Variants in ZNF365 observed in about 807,000 individuals in gnomAD.
The protein encoded by ZNF365 is zinc finger protein 365, also known as protein ZNF365.
Under a neutral mutation model 35.0 loss-of-function variants are expected in ZNF365, and 22 were observed. The observed-to-expected ratio is 0.63, with a 90% CI of 0.45 to 0.90. ZNF365 has a LOEUF of 0.90. Ranked by LOEUF, ZNF365 falls within the 40% of genes least tolerant of loss-of-function variation. The pLI, the probability that ZNF365 is intolerant of heterozygous loss-of-function variation, is 0.00. For missense variants in ZNF365, 448 were observed against 500.3 expected, an observed-to-expected ratio of 0.90 and a Z score of 1.00; for synonymous variants, 188 against 196.2, an observed-to-expected ratio of 0.96 and a Z score of 0.35.
intron 3 of ZNF365, among the ~76,000 whole-genome samples, chr10:62,443,334 A>G (rs74158909): frequency 0.13 from 19,876 of 152,218 alleles, 1,602 homozygotes; most frequent in Middle Eastern, 0.21. Context: ...GAGACCCTCA[A>G]TGTCTGTTGT....
chr10:62,396,047 T>C (rs1839721452), intron 3 of ZNF365, among the ~76,000 whole-genome samples: 1 of 152,158 alleles, frequency 6.6e-6, no homozygotes, highest in African/African-American at 2.4e-5. Flanking sequence ...TCCATCTGCC[T>C]GACGCCAAAG....
intron 2 of ZNF365, among the ~76,000 whole-genome samples, chr10:62,387,126 A>T (rs1337161518): frequency 1.3e-5 from 2 of 152,190 alleles, no homozygotes; most frequent in African/African-American, 4.8e-5. Context: ...GGTGATGACT[A>T]AAAGGATATT....
At chr10:62,423,399 T>G (rs962452085) in intron 3 of ZNF365, among the ~76,000 whole-genome samples, 1 of 152,208 alleles carries the variant, frequency 6.6e-6, no homozygotes, top group Non-Finnish European at 1.5e-5. Flanking sequence ...ACAGGATTAG[T>G]GCTTTTCAGA....
intron 4 of ZNF365, among the ~76,000 whole-genome samples, chr10:62,467,371 A>C (rs1204911747): frequency 6.6e-6 from 1 of 152,204 alleles, no homozygotes; most frequent in Non-Finnish European, 1.5e-5. Context: ...TGAAGATTAG[A>C]TTATTTTATC....
chr10:62,443,752 T>C (rs1840540173), intron 3 of ZNF365, among the ~76,000 whole-genome samples: 1 of 152,170 alleles, frequency 6.6e-6, no homozygotes, highest in African/African-American at 2.4e-5. Context: ...CCCCACATTG[T>C]CCTTTTAGTT....
intron 3 of ZNF365, among the ~76,000 whole-genome samples, chr10:62,421,404 C>T (rs1245361764): frequency 1.3e-5 from 2 of 152,164 alleles, no homozygotes; most frequent in African/African-American, 2.4e-5. Flanking sequence ...TACTTCTCAT[C>T]AGCCTTGAGC....
intron 3 of ZNF365, among the ~76,000 whole-genome samples, chr10:62,447,795 C>A (rs1166663611): frequency 6.6e-6 from 1 of 152,146 alleles, no homozygotes; most frequent in African/African-American, 2.4e-5. Flanking sequence ...TGTGACAATG[C>A]CTTTCAGGTC....
Position 62,438,126 on chromosome 10 carries a change from T to G in ZNF365, c.925-21615T>G, listed in dbSNP as rs1840435761. Among the ~76,000 whole-genome samples the G allele has an allele frequency of 2.0e-5, 3 of 152,172 alleles. No homozygotes were observed. In the South Asian group the frequency reaches 6.2e-4, roughly 32 times the overall value. On this transcript the variant is annotated intron_variant, in intron 3 of 4. Coordinates refer to the ZNF365 transcript ENST00000395255. ...AGTCCACAGATCCTGTGACAAGGAC[T>G]GAAGATACAATGGAGAACAGGAATA...
intron 3 of ZNF365, among the ~76,000 whole-genome samples, chr10:62,448,987 G>C (rs921926635): frequency 1.4e-4 from 22 of 152,166 alleles, no homozygotes; most frequent in African/African-American, 5.1e-4. Flanking sequence ...AGAAACAGAG[G>C]CAGTGTGTTT....
chr10:62,381,014 G>A lies in ZNF365; in HGVS notation c.743+4078G>A, dbSNP rs192724109. Among the ~76,000 whole-genome samples, 67 of 152,272 alleles carry A rather than the reference G, an allele frequency of 4.4e-4. 1 individual carries two copies. In the East Asian group the frequency reaches 0.012, roughly 27 times the overall value. On this transcript the variant is annotated intron_variant, in intron 2 of 4. Coordinates refer to ENST00000395254, the MANE Select transcript of ZNF365 (RefSeq NM_014951.3). ...TGGGGGGGAACATAAAATGCTTGCTGTCTTTCCCTAAGGTGTTTGTGTTCT... is the reference window on the plus strand; with the variant it reads ...TGGGGGGGAACATAAAATGCTTGCTATCTTTCCCTAAGGTGTTTGTGTTCT...
chr10:62,401,740 A>G lies in ZNF365; in HGVS notation c.*1951A>G, dbSNP rs1457783536. ...CTCTTTGTCCTGTAATGTGTGTGCA[A>G]TGACAACTTGTTTCTGTTTTATTTA... is the stretch of plus-strand genomic sequence containing the variant. On this transcript the variant is annotated 3_prime_UTR_variant, in exon 5 of 5. Coordinates refer to ENST00000395254, the MANE Select transcript of ZNF365 (RefSeq NM_014951.3). 7.1e-6 allele frequency: 7 copies of G among 985,492 alleles called. No individual in the cohort carries two copies. Among genetic ancestry groups the G allele is most frequent in the Non-Finnish European group, 8.4e-6 (7 of 829,904 alleles). The allele number at this position is 985,492 out of a possible 1,614,324, so 61.0% of individuals were successfully genotyped here. A position where few individuals can be genotyped will look rare whatever the true frequency, so the allele number is the denominator to read the frequency against.
At chr10:62,391,598 G>A (rs1839630261) in intron 3 of ZNF365, among the ~76,000 whole-genome samples, 1 of 152,192 alleles carries the variant, frequency 6.6e-6, no homozygotes, top group African/African-American at 2.4e-5. Flanking sequence ...TGGCTGAGTG[G>A]TATTCCACGG....
At chr10:62,409,830 G>T (rs548057184) in intron 3 of ZNF365, among the ~76,000 whole-genome samples, 1 of 152,060 alleles carries the variant, frequency 6.6e-6, no homozygotes, top group Non-Finnish European at 1.5e-5. Context: ...TCCTGTATAA[G>T]CCAGTCATGC....
At chr10:62,463,334 C>T (rs758554261) in intron 4 of ZNF365, among the ~76,000 whole-genome samples, 16 of 152,308 alleles carry the variant, frequency 1.1e-4, no homozygotes, top group Non-Finnish European at 1.9e-4. Context: ...TTAAGCCGTC[C>T]CCTGGACCTC....
intron 3 of ZNF365, among the ~76,000 whole-genome samples, chr10:62,459,001 A>G (rs1204626580): frequency 6.6e-6 from 1 of 152,234 alleles, no homozygotes; most frequent in Non-Finnish European, 1.5e-5. Context: ...TAAATGACCC[A>G]TGAAAGAAAT....
chr10:62,457,557 T>C (rs1443991508), intron 3 of ZNF365, among the ~76,000 whole-genome samples: 2 of 152,262 alleles, frequency 1.3e-5, no homozygotes, highest in African/African-American at 2.4e-5. Context: ...GGATGTGAGA[T>C]GGCAAACCAC....
Position 62,399,737 on chromosome 10 carries a change from T to C in ZNF365, c.1172T>C (p.Ile391Thr), listed in dbSNP as rs900470575. ...ELLGFGRKGN[I>T]RPKMAKKKPT... ...CTGGGGTTTGGCCGCAAAGGCAACA[T>C]CAGGCCCAAAATGGCTAAAAAAAAG... Residue 391 changes from isoleucine (I) to threonine (T), a missense_variant, in exon 5 of 5, where the codon ATC becomes ACC. Physicochemically the swap from Ile to Thr is moderately conservative, Grantham distance 89. Coordinates refer to ENST00000395254, the MANE Select transcript of ZNF365 (RefSeq NM_014951.3). The C allele has an allele frequency of 2.5e-6, 4 of 1,613,964 alleles. No homozygotes were observed. The highest frequency in any genetic ancestry group is 3.4e-6 in the Non-Finnish European group (4 of 1,180,004).
intron 3 of ZNF365, among the ~76,000 whole-genome samples, chr10:62,393,202 G>A (rs1277586864): frequency 1.3e-5 from 2 of 152,134 alleles, no homozygotes; most frequent in African/African-American, 4.8e-5. Flanking sequence ...ACTTCCTGAA[G>A]GACCTGCCTG....
chr10:62,421,296 T>C (rs1456282184), intron 3 of ZNF365, among the ~76,000 whole-genome samples: 1 of 152,308 alleles, frequency 6.6e-6, no homozygotes, highest in East Asian at 1.9e-4. Context: ...AATTATGTAC[T>C]GCAAATCTGT....
Sources: gnomAD v4.1 joint callset for allele counts (sites outside exome capture counted in the v4.1 genomes callset) on GRCh38, gnomAD v4.1.1 for gene constraint, MANE v1.5 for transcripts, NCBI Gene and HGNC (gene_info 2026-07-23, HGNC 2026-07-21) for gene names.